The following RNF17 variants were observed in gnomAD, a reference collection of about 807,000 sequenced individuals.
RNF17 encodes ring finger protein 17.
Under a neutral mutation model 200.5 loss-of-function variants are expected in RNF17, and 31 were observed. The observed-to-expected ratio is 0.15, with a 90% CI of 0.12 to 0.21. The LOEUF is 0.21. RNF17 is among the 10% of genes least tolerant of loss of function. The pLI is 1.00. For synonymous variants in RNF17, 606 were observed against 637.8 expected (o/e 0.95, Z 0.75); for missense variants, 1,628 against 1,905.1 (o/e 0.85, Z 2.71).
chr13:24,783,352 C>G (rs1593241074), intron 6 of RNF17, among the ~76,000 whole-genome samples: 1 of 152,120 alleles, frequency 6.6e-6, no homozygotes, highest in Non-Finnish European at 1.5e-5. Flanking sequence ...TGTTCCTTTT[C>G]AAGATTGTTT....
intron 6 of RNF17, among the ~76,000 whole-genome samples, chr13:24,782,830 C>G (rs560725623): frequency 1.9e-4 from 29 of 152,250 alleles, no homozygotes; most frequent in African/African-American, 6.7e-4. Flanking sequence ...ATATGACTTA[C>G]AATATTTTCT....
intron 4 of RNF17, among the ~76,000 whole-genome samples, chr13:24,778,892 A>C (rs972923169): frequency 1.3e-5 from 2 of 152,232 alleles, no homozygotes; most frequent in Non-Finnish European, 2.9e-5. Context: ...TTTTTGTGTT[A>C]AGATCATTAA....
chr13:24,820,499 G>A (rs1283212988), intron 15 of RNF17, among the ~76,000 whole-genome samples: 3 of 151,826 alleles, frequency 2.0e-5, no homozygotes, highest in Non-Finnish European at 4.4e-5. Context: ...ACAGTGGTGC[G>A]ATCTTGGCTC....
intron 5 of RNF17, among the ~76,000 whole-genome samples, chr13:24,781,565 G>A (rs1882378271): frequency 1.3e-5 from 2 of 152,178 alleles, no homozygotes; most frequent in Non-Finnish European, 2.9e-5. Flanking sequence ...GAGCCCAGGA[G>A]TTCAAGGTTA....
intron 23 of RNF17, among the ~76,000 whole-genome samples, chr13:24,851,063 C>T (rs1037318263): frequency 2.0e-5 from 3 of 152,138 alleles, no homozygotes; most frequent in Admixed American, 6.6e-5. Context: ...GGCGCGATCT[C>T]GGCTCACCGC....
At chr13:24,804,936 G>T (rs1189978561) in intron 15 of RNF17, among the ~76,000 whole-genome samples, 1 of 152,016 alleles carries the variant, frequency 6.6e-6, no homozygotes, top group Non-Finnish European at 1.5e-5. Context: ...GACTTTAAGG[G>T]AATTAACTCA....
intron 22 of RNF17, 54 bp from the exon 23 acceptor site, chr13:24,850,287 T>C: frequency 8.8e-7 from 1 of 1,140,616 alleles, no homozygotes; most frequent in Admixed American, 1.9e-5. Context: ...TTTTGTATAT[T>C]TCAATATTGT....
intron 22 of RNF17, 112 bp from the exon 23 acceptor site, chr13:24,850,229 A>G (rs1033465186): frequency 1.7e-6 from 1 of 575,098 alleles, no homozygotes; most frequent in Non-Finnish European, 3.0e-6. Context: ...TTTTTACTAC[A>G]TATAGTTGGT....
At chr13:24,767,142 T>C in intron 1 of RNF17, 130 bp from the exon 2 acceptor site, 1 of 616,236 alleles carries the variant, frequency 1.6e-6, no homozygotes, top group Non-Finnish European at 2.9e-6. Flanking sequence ...GGTAGGAGGA[T>C]CACTTGAGCC....
chr13:24,815,593 A>G (rs184517517), intron 15 of RNF17, among the ~76,000 whole-genome samples: 60 of 152,118 alleles, frequency 3.9e-4, no homozygotes, highest in Non-Finnish European at 6.3e-4. Flanking sequence ...TCTGGCTAGG[A>G]TTTCCAATAT....
At chr13:24,780,692 G>C (rs975391063) in intron 5 of RNF17, among the ~76,000 whole-genome samples, 1 of 152,124 alleles carries the variant, frequency 6.6e-6, no homozygotes, top group African/African-American at 2.4e-5. Flanking sequence ...AACCAGCCTT[G>C]TCAACATGGC....
intron 18 of RNF17, among the ~76,000 whole-genome samples, chr13:24,838,748 T>G (rs926092599): frequency 6.6e-6 from 1 of 152,128 alleles, no homozygotes; most frequent in Admixed American, 6.5e-5. Context: ...GCATTCCCTC[T>G]GAGAAGTGGA....
chr13:24,759,101 A>AAC, the RNF17 span, among the ~76,000 whole-genome samples: 7 of 151,216 alleles, frequency 4.6e-5, no homozygotes, highest in Admixed American at 4.0e-4. Flanking sequence ...AAAAAAAAAA[A>AAC]AACAACACTT....
rs1017683817 is a variant in RNF17 at position 24,841,918 on chromosome 13, A to T, written c.2483-123A>T. On this transcript the variant is annotated intron_variant, in intron 18 of 35. Transcript: ENST00000255324. ...GAGGCAGAGGTTGCAGTGAGCTGAG[A>T]TCGTGCCACTGCACTCCAGCCTGGG... The T allele has an allele frequency of 7.4e-6, 5 of 675,660 alleles. No homozygotes were observed. The Admixed American group carries it at 1.4e-4, about 19-fold the overall frequency. 41.9% of individuals were successfully genotyped at this position (675,660 alleles called of 1,614,324 possible).
chr13:24,856,532 A>G (rs937975883), intron 25 of RNF17, among the ~76,000 whole-genome samples: 9 of 152,106 alleles, frequency 5.9e-5, no homozygotes, highest in African/African-American at 1.7e-4. Context: ...TCTTTAAGCT[A>G]TCCCAGAATT....
chr13:24,882,826 C>CTGA (rs1454259472), downstream of RNF17: 1 of 302,742 alleles, frequency 3.3e-6, no homozygotes, highest in Admixed American at 4.7e-5. Context: ...TGCTCTACGG[C>CTGA]TGATGTGTCT....
intron 32 of RNF17, among the ~76,000 whole-genome samples, chr13:24,872,130 T>G (rs1023360140): frequency 1.3e-4 from 20 of 151,822 alleles, no homozygotes; most frequent in African/African-American, 4.1e-4. Context: ...CTGTCTAATT[T>G]TGTATTTTTA....
intron 30 of RNF17, among the ~76,000 whole-genome samples, chr13:24,866,908 T>C (rs1420912156): frequency 6.6e-6 from 1 of 152,178 alleles, no homozygotes; most frequent in Non-Finnish European, 1.5e-5. Flanking sequence ...GGACCCCATT[T>C]TTTCCATCTC....
chr13:24,832,679 G>A (rs986501676), intron 18 of RNF17, among the ~76,000 whole-genome samples: 4 of 152,044 alleles, frequency 2.6e-5, no homozygotes, highest in African/African-American at 4.8e-5. Context: ...TCAATTAGAC[G>A]AATTTTGAAT....
Sources: gnomAD v4.1 joint callset for allele counts (sites outside exome capture counted in the v4.1 genomes callset) on GRCh38, gnomAD v4.1.1 for gene constraint, MANE v1.5 for transcripts, NCBI Gene and HGNC (gene_info 2026-07-23, HGNC 2026-07-21) for gene names.